Variants in CPS1 observed in about 807,000 individuals in gnomAD.
CPS1 encodes the protein carbamoyl-phosphate synthase [ammonia], mitochondrial.
In CPS1, 109 loss-of-function variants were observed where a neutral mutation model predicts 174.6. That is an observed-to-expected ratio of 0.62 (90% CI 0.53 to 0.73). CPS1 has a LOEUF of 0.73. Ranked by LOEUF, CPS1 falls within the 30% of genes least tolerant of loss-of-function variation. CPS1 has a pLI of 0.00. For synonymous variants in CPS1, 637 were observed against 632.0 expected, an observed-to-expected ratio of 1.01 and a Z score of -0.12; for missense variants, 1,689 against 1,821.9, an observed-to-expected ratio of 0.93 and a Z score of 1.33.
intron 1 of CPS1, among the ~76,000 whole-genome samples, chr2:210,512,325 C>A (rs1695516807): frequency 6.6e-6 from 1 of 151,468 alleles, no homozygotes; most frequent in South Asian, 2.1e-4. Flanking sequence ...GGCATAGTAC[C>A]CAACAATTTT....
At chr2:210,525,569 A>G (rs1178335212) in intron 1 of CPS1, among the ~76,000 whole-genome samples, 1 of 151,710 alleles carries the variant, frequency 6.6e-6, no homozygotes, top group Non-Finnish European at 1.5e-5. Context: ...TGGGGAAGGT[A>G]AAAGTTTAGT....
intron 13 of CPS1, among the ~76,000 whole-genome samples, chr2:210,597,147 T>C (rs929238410): frequency 2.6e-5 from 4 of 151,894 alleles, no homozygotes; most frequent in African/African-American, 9.7e-5. Context: ...GTTGGTACTT[T>C]TCTTTAGTTG....
intron 13 of CPS1, among the ~76,000 whole-genome samples, chr2:210,596,863 C>G (rs992975146): frequency 6.6e-6 from 1 of 151,430 alleles, no homozygotes; most frequent in African/African-American, 2.4e-5. Flanking sequence ...ATAGTTTTAA[C>G]TAAAGAACAG....
Position 210,606,869 on chromosome 2 carries a change from C to G in CPS1, c.2120C>G (p.Ser707Ter). Residue 707 changes from serine (S) to a stop codon, truncating the protein, a stop_gained, in exon 18 of 38, where the codon TCA (serine) becomes TGA (stop). Transcript: ENST00000233072. LOFTEE classifies it high-confidence loss of function. ...CNIQFALHPT[S>*]MEYCIIEVNA... is the part of the protein sequence containing the mutation. ...ATTCAGTTTGCCCTTCATCCTACCT[C>G]AATGGAATACTGCATCATTGAAGTG... is the stretch of plus-strand genomic sequence containing the variant. 6.2e-7 allele frequency: 1 copy of G among 1,612,652 alleles called. No individual in the cohort carries two copies. Among genetic ancestry groups the G allele is most frequent in the Non-Finnish European group, 8.5e-7 (1 of 1,179,102 alleles).
chr2:210,478,333 A>T (rs1694461844), intron 1 of CPS1, among the ~76,000 whole-genome samples: 1 of 152,214 alleles, frequency 6.6e-6, no homozygotes, highest in African/African-American at 2.4e-5. Flanking sequence ...AATAATGTAG[A>T]ATCTCACTGA....
chr2:210,518,450 G>C (rs1695737398), intron 1 of CPS1, among the ~76,000 whole-genome samples: 1 of 151,956 alleles, frequency 6.6e-6, no homozygotes, highest in Non-Finnish European at 1.5e-5. Context: ...CTGTGTTCTG[G>C]CCAATGGAAT....
chr2:210,608,354 T>C lies in CPS1; in HGVS notation c.2193-7T>C. On this transcript the variant is annotated splice_polypyrimidine_tract_variant and splice_region_variant and intron_variant, in intron 18 of 37. Coordinates refer to ENST00000233072, the MANE Select transcript of CPS1 (RefSeq NM_001875.5). The stretch of plus-strand genomic sequence containing the variant: ...GAAAAAAAAATAAATTTGTCTTCTT[T>C]TTATAGCTACCCATTGGCATTCATT... The C allele has an allele frequency of 6.2e-7, 1 of 1,611,558 alleles. No homozygotes were observed. Among genetic ancestry groups the C allele is most frequent in the Non-Finnish European group, 8.5e-7 (1 of 1,178,386 alleles).
chr2:210,655,475 A>G (rs140795799), intron 29 of CPS1, among the ~76,000 whole-genome samples: 1 of 152,190 alleles, frequency 6.6e-6, no homozygotes, highest in Non-Finnish European at 1.5e-5. Flanking sequence ...AGAAATGGAC[A>G]TAGAACTGCA....
chr2:210,642,501 G>C lies in CPS1; in HGVS notation c.2977G>C (p.Asp993His). The C allele has an allele frequency of 6.2e-7, 1 of 1,613,926 alleles. No individual in the cohort carries two copies. Among genetic ancestry groups the C allele is most frequent in the South Asian group, 1.1e-5 (1 of 91,056 alleles). The change falls in exon 25 of 38, where the codon GAT (aspartate) becomes CAT (histidine). Residue 993 changes from aspartate to histidine, a missense_variant. Asp to His is a moderately conservative substitution (Grantham distance 81). Coordinates refer to ENST00000233072, the MANE Select transcript of CPS1 (RefSeq NM_001875.5). ...CTCTGCAGGCAGCAGTGTGGAATTT[G>C]ATTGGTGTGCTGTCTCTAGTATCCG... ...PYHIGSSVEFDWCAVSSIRTL... is the reference protein window; with the variant it reads ...PYHIGSSVEFHWCAVSSIRTL...
chr2:210,613,446 G>C (rs1482347802), intron 20 of CPS1, among the ~76,000 whole-genome samples: 1 of 151,748 alleles, frequency 6.6e-6, no homozygotes, highest in African/African-American at 2.4e-5. Context: ...TTTCTCTGGC[G>C]GTGGCGGGTG....
chr2:210,498,909 G>T (rs1237105007), intron 1 of CPS1, among the ~76,000 whole-genome samples: 1 of 152,174 alleles, frequency 6.6e-6, no homozygotes, highest in East Asian at 1.9e-4. Flanking sequence ...CCTGTGCATG[G>T]AGTAAAGAGG....
chr2:210,553,813 C>A (rs1027420084), upstream of CPS1, among the ~76,000 whole-genome samples: 1 of 151,954 alleles, frequency 6.6e-6, no homozygotes, highest in Non-Finnish European at 1.5e-5. Flanking sequence ...CTCCTTTGAT[C>A]TATCCTAATG....
At chr2:210,596,588 C>T (rs1698489715) in intron 13 of CPS1, among the ~76,000 whole-genome samples, 2 of 151,862 alleles carry the variant, frequency 1.3e-5, no homozygotes, top group Non-Finnish European at 2.9e-5. Flanking sequence ...TACTCTCCTC[C>T]ATTCATGTGC....
At chr2:210,479,329 C>CTTT (rs11299389) in intron 1 of CPS1, among the ~76,000 whole-genome samples, 5 of 122,380 alleles carry the variant, frequency 4.1e-5, no homozygotes, top group Non-Finnish European at 5.2e-5. Flanking sequence ...ATCATTCTTT[C>CTTT]TTTTTTTTTT....
At chr2:210,515,881 G>T (rs1205557964) in intron 1 of CPS1, among the ~76,000 whole-genome samples, 1 of 151,792 alleles carries the variant, frequency 6.6e-6, no homozygotes, top group Non-Finnish European at 1.5e-5. Flanking sequence ...GCATCACAGA[G>T]ATTTTGCTAT....
At chr2:210,547,386 T>C (rs1357014242) in intron 1 of CPS1, among the ~76,000 whole-genome samples, 2 of 152,110 alleles carry the variant, frequency 1.3e-5, no homozygotes, top group African/African-American at 4.8e-5. Context: ...GTTTAAAGTT[T>C]ATTTTCATAT....
intron 33 of CPS1, among the ~76,000 whole-genome samples, chr2:210,667,004 G>A (rs1452480267): frequency 6.6e-6 from 1 of 152,034 alleles, no homozygotes. Flanking sequence ...TTATTTCATT[G>A]AGCTGTGGTT....
At chr2:210,664,188 T>G (rs1701015189) in intron 33 of CPS1, among the ~76,000 whole-genome samples, 2 of 152,208 alleles carry the variant, frequency 1.3e-5, no homozygotes, top group African/African-American at 4.8e-5. Flanking sequence ...GAAGGCACTA[T>G]GTACGTTTCA....
chr2:210,528,558 T>C (rs1696033881), intron 1 of CPS1, among the ~76,000 whole-genome samples: 1 of 151,844 alleles, frequency 6.6e-6, no homozygotes, highest in Non-Finnish European at 1.5e-5. Context: ...CCAAGGTAGC[T>C]CAAAGAAGGG....
Sources: allele counts gnomAD v4.1 joint callset (sites outside exome capture counted in the v4.1 genomes callset), GRCh38; gene constraint gnomAD v4.1.1; transcripts MANE v1.5; gene names NCBI Gene and HGNC (gene_info 2026-07-23, HGNC 2026-07-21).